MACROD2: variants seen among roughly 807,000 people sequenced by gnomAD.
MACROD2 encodes mono-ADP ribosylhydrolase 2, also known as ADP-ribose glycohydrolase MACROD2.
Under a neutral mutation model 70.4 loss-of-function variants are expected in MACROD2, and 36 were observed. The ratio of observed to expected loss-of-function variants is 0.51; its 90% CI spans 0.39 to 0.68. MACROD2 has a LOEUF of 0.68. Ranked by LOEUF, MACROD2 falls within the 30% of genes least tolerant of loss-of-function variation. The probability of loss-of-function intolerance (pLI) is 0.00; values close to 1 mark genes in which losing one functional copy is unlikely to be tolerated. For missense variants in MACROD2, 496 were observed against 538.4 expected (o/e 0.92, Z 0.78); for synonymous variants, 172 against 178.8 (o/e 0.96, Z 0.30).
chr20:15,379,281 T>C (rs1056986440), intron 6 of MACROD2, among the ~76,000 whole-genome samples: 10 of 152,162 alleles, frequency 6.6e-5, no homozygotes, highest in African/African-American at 2.2e-4. Flanking sequence ...TATCTCTGAC[T>C]TTTCCACTGG....
At chr20:15,744,081 C>A (rs1477284048) in intron 8 of MACROD2, among the ~76,000 whole-genome samples, 1 of 151,990 alleles carries the variant, frequency 6.6e-6, no homozygotes, top group East Asian at 1.9e-4. Flanking sequence ...ATGTGTGCAT[C>A]CCTGAACAAT....
chr20:14,543,398 A>G (rs2085456396), intron 4 of MACROD2, among the ~76,000 whole-genome samples: 1 of 152,220 alleles, frequency 6.6e-6, no homozygotes, highest in African/African-American at 2.4e-5. Context: ...TAAGTTTTAC[A>G]TCTTTTAAGC....
At chr20:14,977,647 G>A (rs1243697400) in intron 5 of MACROD2, among the ~76,000 whole-genome samples, 1 of 152,024 alleles carries the variant, frequency 6.6e-6, no homozygotes, top group African/African-American at 2.4e-5. Flanking sequence ...AGTCAAAAGA[G>A]ATAACCGTTG....
chr20:15,066,136 T>A (rs150343730), intron 5 of MACROD2, among the ~76,000 whole-genome samples: 25,536 of 149,004 alleles, frequency 0.17, 2,601 homozygotes, highest in Non-Finnish European at 0.23. Flanking sequence ...TTTTAATTTT[T>A]ATTTTTATTT....
chr20:15,934,715 T>C (rs1023188237), intron 11 of MACROD2, among the ~76,000 whole-genome samples: 13 of 152,134 alleles, frequency 8.5e-5, no homozygotes, highest in Admixed American at 6.6e-5. Flanking sequence ...TTTGTTTTTT[T>C]GAGATGGAGT....
chr20:14,704,151 T>C (rs988828582), intron 5 of MACROD2, among the ~76,000 whole-genome samples: 3 of 152,226 alleles, frequency 2.0e-5, no homozygotes, highest in Non-Finnish European at 4.4e-5. Context: ...AGCATTAATC[T>C]ACCCAAGTTA....
At chr20:14,721,299 T>C (rs534614344) in intron 5 of MACROD2, among the ~76,000 whole-genome samples, 2 of 147,194 alleles carry the variant, frequency 1.4e-5, no homozygotes, top group South Asian at 4.4e-4. Context: ...ATCTCTCAAA[T>C]GTGAAAGTCT....
At chr20:14,577,530 G>A (rs1373684279) in intron 4 of MACROD2, among the ~76,000 whole-genome samples, 1 of 152,178 alleles carries the variant, frequency 6.6e-6, no homozygotes, top group Non-Finnish European at 1.5e-5. Context: ...TGTGATCCCA[G>A]CGCTTTGAGG....
At position 15,508,354 on chromosome 20, in the gene MACROD2, T is replaced by C. The variant is rs117189512; in HGVS notation, c.645+8507T>C. On this transcript the variant is annotated intron_variant, in intron 8 of 17. Transcript: ENST00000684519. ...TTAAATAGGCATGGAGGGTAATTCATATATACTGCTAATAGGTCTAGACCT... is the reference window on the plus strand; with the variant it reads ...TTAAATAGGCATGGAGGGTAATTCACATATACTGCTAATAGGTCTAGACCT... Among the ~76,000 whole-genome samples, 273 of 152,148 alleles carry C rather than the reference T, an allele frequency of 1.8e-3. 6 individuals carry two copies. In the East Asian group the frequency reaches 0.031, roughly 17 times the overall value.
At chr20:15,458,077 A>C (rs1269562918) in intron 7 of MACROD2, among the ~76,000 whole-genome samples, 1 of 152,098 alleles carries the variant, frequency 6.6e-6, no homozygotes, top group East Asian at 1.9e-4. Flanking sequence ...ATTTCCAGTT[A>C]CATTTTTCCA....
chr20:14,933,629 C>G (rs562746141), intron 5 of MACROD2, among the ~76,000 whole-genome samples: 79 of 124,520 alleles, frequency 6.3e-4, no homozygotes, highest in Middle Eastern at 4.2e-3. Flanking sequence ...GACCCTGACT[C>G]AAAAAAATAA....
intron 5 of MACROD2, among the ~76,000 whole-genome samples, chr20:15,175,160 C>T (rs1382210639): frequency 1.3e-5 from 2 of 151,794 alleles, no homozygotes; most frequent in Admixed American, 6.6e-5. Flanking sequence ...TCATCATTCT[C>T]AGTAAACTAT....
chr20:15,754,118 A>G (rs1413357192), intron 8 of MACROD2, among the ~76,000 whole-genome samples: 1 of 152,242 alleles, frequency 6.6e-6, no homozygotes, highest in Non-Finnish European at 1.5e-5. Flanking sequence ...TACTGCATCT[A>G]TCTTAGTGCT....
At chr20:15,841,010 A>G (rs1397618967) in intron 8 of MACROD2, among the ~76,000 whole-genome samples, 2 of 152,200 alleles carry the variant, frequency 1.3e-5, no homozygotes, top group African/African-American at 4.8e-5. Context: ...GCAAAACCTC[A>G]AAGTTGTATT....
In MACROD2 at chr20:15,729,831, C is replaced by CTTTT. The variant is rs61542762; in HGVS notation, c.646-132902_646-132899dup. Among the ~76,000 whole-genome samples the CTTTT allele has an allele frequency of 2.8e-4, 18 of 64,778 alleles. 2 individuals are homozygous for CTTTT. Among genetic ancestry groups the CTTTT allele is most frequent in the South Asian group, 6.4e-4 (1 of 1,566 alleles). The allele number at this position is 64,778 out of a possible 152,430, so 42.5% of individuals were successfully genotyped here. On this transcript the variant is annotated intron_variant, in intron 8 of 17. Coordinates refer to ENST00000684519, the MANE Select transcript of MACROD2 (RefSeq NM_001351661.2). ...GAACACAGCATGCAGTTGGGTCATG[C>CTTTT]TTTTTTTTTTTTTTTGGATGGAGTT...
chr20:14,103,878 C>T lies in MACROD2; in HGVS notation c.271+18150C>T, dbSNP rs535776219. Among the ~76,000 whole-genome samples, 332 of 152,146 alleles carry T rather than the reference C, an allele frequency of 2.2e-3. 1 individual carries two copies. Among genetic ancestry groups the T allele is most frequent in the Middle Eastern group, 0.02 (6 of 294 alleles). ...GTTTTTTACTGTTATAAGCAGGCTG[C>T]GACAAACATCCTAGCACATAAATGT... On this transcript the variant is annotated intron_variant, in intron 3 of 17. Transcript: ENST00000684519.
intron 8 of MACROD2, among the ~76,000 whole-genome samples, chr20:15,532,731 T>C (rs568205314): frequency 6.6e-6 from 1 of 151,718 alleles, no homozygotes; most frequent in South Asian, 2.1e-4. Flanking sequence ...CCCTCCAGAA[T>C]CAGCCTCTGT....
chr20:14,524,967 G>T (rs1158323785), intron 4 of MACROD2, among the ~76,000 whole-genome samples: 1 of 152,156 alleles, frequency 6.6e-6, no homozygotes, highest in Non-Finnish European at 1.5e-5. Context: ...TTATGGATGA[G>T]AATGTAAGGG....
intron 5 of MACROD2, among the ~76,000 whole-genome samples, chr20:15,208,526 TCTTGA>T (rs2076731429): frequency 6.6e-6 from 1 of 152,186 alleles, no homozygotes; most frequent in Non-Finnish European, 1.5e-5. Flanking sequence ...CTTTTTAAAA[TCTTGA>T]CTTAGCAGAC....
Sources: allele counts gnomAD v4.1 joint callset (sites outside exome capture counted in the v4.1 genomes callset), GRCh38; gene constraint gnomAD v4.1.1; transcripts MANE v1.5; gene names NCBI Gene and HGNC (gene_info 2026-07-23, HGNC 2026-07-21).